Variants in KCTD16 observed in about 807,000 individuals in gnomAD.
KCTD16 encodes BTB/POZ domain-containing protein KCTD16.
A neutral mutation model predicts 33.2 loss-of-function variants in KCTD16; 13 were observed. The observed-to-expected ratio is 0.39, with a 90% CI of 0.25 to 0.62. KCTD16 has a LOEUF of 0.62. Ranked by LOEUF, KCTD16 falls within the 20% of genes least tolerant of loss-of-function variation. KCTD16 has a pLI of 0.50. For synonymous variants in KCTD16, 197 were observed against 195.3 expected, an observed-to-expected ratio of 1.01 and a Z score of -0.07; for missense variants, 441 against 525.1, an observed-to-expected ratio of 0.84 and a Z score of 1.57.
chr5:144,220,392 G>T (rs981805595), intron 3 of KCTD16, among the ~76,000 whole-genome samples: 7 of 152,098 alleles, frequency 4.6e-5, no homozygotes, highest in African/African-American at 1.7e-4. Context: ...GCTTCCTGGG[G>T]CAGGAGCTAT....
chr5:144,241,153 T>C (rs1435022989), intron 3 of KCTD16, among the ~76,000 whole-genome samples: 4 of 152,144 alleles, frequency 2.6e-5, no homozygotes, highest in African/African-American at 9.7e-5. Flanking sequence ...GTCTTGAGCT[T>C]TAGTCTGAAT....
intron 3 of KCTD16, among the ~76,000 whole-genome samples, chr5:144,397,009 T>G (rs888479087): frequency 7.9e-5 from 12 of 151,192 alleles, no homozygotes; most frequent in Non-Finnish European, 1.2e-4. Context: ...GTGCCATGTT[T>G]GTGTGCTGCA....
chr5:144,241,879 A>G (rs1159846291), intron 3 of KCTD16, among the ~76,000 whole-genome samples: 1 of 152,146 alleles, frequency 6.6e-6, no homozygotes, highest in Non-Finnish European at 1.5e-5. Context: ...AAAGAATCTC[A>G]TTTCAATATC....
intron 3 of KCTD16, among the ~76,000 whole-genome samples, chr5:144,214,058 C>T (rs1753485647): frequency 6.6e-6 from 1 of 152,172 alleles, no homozygotes; most frequent in South Asian, 2.1e-4. Flanking sequence ...TGAAACTCCA[C>T]TGAACTTAAC....
At chr5:144,248,862 C>T (rs1011187984) in intron 3 of KCTD16, among the ~76,000 whole-genome samples, 13 of 152,210 alleles carry the variant, frequency 8.5e-5, no homozygotes, top group Non-Finnish European at 1.6e-4. Context: ...GTTTGACATG[C>T]CTATTCGTTT....
At chr5:144,304,772 T>C (rs1751548688) in intron 3 of KCTD16, among the ~76,000 whole-genome samples, 1 of 152,074 alleles carries the variant, frequency 6.6e-6, no homozygotes, top group South Asian at 2.1e-4. Context: ...GATTGATCTG[T>C]TTGTCCTGAA....
chr5:144,280,947 C>G (rs1273040495), intron 3 of KCTD16, among the ~76,000 whole-genome samples: 1 of 150,044 alleles, frequency 6.7e-6, no homozygotes, highest in Admixed American at 6.6e-5. Context: ...CCCAGCTACT[C>G]GGGAGGCTGA....
chr5:144,268,928 A>C (rs1375160404), intron 3 of KCTD16, among the ~76,000 whole-genome samples: 1 of 152,148 alleles, frequency 6.6e-6, no homozygotes, highest in African/African-American at 2.4e-5. Flanking sequence ...TCTGGAGCTA[A>C]AAATTACCGT....
chr5:144,443,722 A>G (rs545892996), intron 3 of KCTD16, among the ~76,000 whole-genome samples: 6 of 152,224 alleles, frequency 3.9e-5, no homozygotes, highest in East Asian at 1.9e-4. Context: ...TATTATCACT[A>G]TGAAGCTCAA....
chr5:144,359,865 T>C (rs1413414677), intron 3 of KCTD16, among the ~76,000 whole-genome samples: 1 of 152,070 alleles, frequency 6.6e-6, no homozygotes. Flanking sequence ...CTCCGAAAAC[T>C]TGTGCAAAGC....
chr5:144,233,803 A>G (rs569639292), intron 3 of KCTD16, among the ~76,000 whole-genome samples: 1 of 152,260 alleles, frequency 6.6e-6, no homozygotes, highest in East Asian at 1.9e-4. Flanking sequence ...GAATTGTGCC[A>G]ACTGGTTTTA....
chr5:144,355,565 A>G (rs1751551977), intron 3 of KCTD16, among the ~76,000 whole-genome samples: 1 of 152,176 alleles, frequency 6.6e-6, no homozygotes, highest in Admixed American at 6.6e-5. Context: ...GCCTTAGTTT[A>G]CTTCCGTAAA....
chr5:144,360,262 C>A (rs6870569), intron 3 of KCTD16, among the ~76,000 whole-genome samples: 2,830 of 152,144 alleles, frequency 0.019, 80 homozygotes, highest in African/African-American at 0.065. Flanking sequence ...CCTCCTACCC[C>A]CCAAGAGGCC....
At chr5:144,473,352 G>A (rs1262648525) in intron 3 of KCTD16, among the ~76,000 whole-genome samples, 4 of 152,136 alleles carry the variant, frequency 2.6e-5, no homozygotes, top group Non-Finnish European at 5.9e-5. Flanking sequence ...GAAAATCTAA[G>A]GGATGTGCCA....
At chr5:144,271,101 A>G (rs1755280480) in intron 3 of KCTD16, among the ~76,000 whole-genome samples, 1 of 151,994 alleles carries the variant, frequency 6.6e-6, no homozygotes, top group African/African-American at 2.4e-5. Context: ...TAAAGAACAA[A>G]CGCCAGTTCT....
chr5:144,316,899 CT>C (rs1201979176), intron 3 of KCTD16, among the ~76,000 whole-genome samples: 2 of 140,604 alleles, frequency 1.4e-5, no homozygotes, highest in Non-Finnish European at 1.5e-5. Flanking sequence ...GTGATCTCGG[CT>C]CACTGCAACC....
rs115587783 is a variant in KCTD16 at position 144,404,786 on chromosome 5, A to C, written c.833-68874A>C. On this transcript the variant is annotated intron_variant, in intron 3 of 3. Transcript: ENST00000512467. ...TGGTGGGGAAATTTACCTAGAAATAAATGTTAAGGTGCCTTCCTGGTCCCT... is the reference window on the plus strand; with the variant it reads ...TGGTGGGGAAATTTACCTAGAAATACATGTTAAGGTGCCTTCCTGGTCCCT... 1.9e-3 allele frequency among the ~76,000 whole-genome samples: 282 copies of C among 152,140 alleles called. 1 individual carries two copies. The highest frequency in any genetic ancestry group is 6.4e-3 in the African/African-American group (267 of 41,484).
rs1490786792 is a variant in KCTD16 at position 144,480,363 on chromosome 5, T to G, written c.*6249T>G. On this transcript the variant is annotated 3_prime_UTR_variant, in exon 4 of 4. Coordinates refer to ENST00000512467, the MANE Select transcript of KCTD16 (RefSeq NM_020768.4). Reference sequence around the variant, plus strand: ...CTTGAGCTTGTCTCCTCATGTGAAATTCAAACAATACTAATTTCTGGGGAA... The same window carrying G: ...CTTGAGCTTGTCTCCTCATGTGAAAGTCAAACAATACTAATTTCTGGGGAA... 2.0e-5 allele frequency: 3 copies of G among 151,904 alleles called. No individual in the cohort carries two copies. The highest frequency in any genetic ancestry group is 7.3e-5 in the African/African-American group (3 of 41,374). The allele number at this position is 151,904 out of a possible 1,614,324, so 9.4% of individuals were successfully genotyped here. A position where few individuals can be genotyped will look rare whatever the true frequency, so the allele number is the denominator to read the frequency against.
chr5:144,277,440 A>G (rs1755469901), intron 3 of KCTD16, among the ~76,000 whole-genome samples: 1 of 152,214 alleles, frequency 6.6e-6, no homozygotes, highest in African/African-American at 2.4e-5. Flanking sequence ...AAGCATGTTC[A>G]TGATATAATT....
Sources: gnomAD v4.1 joint callset for allele counts (sites outside exome capture counted in the v4.1 genomes callset) on GRCh38, gnomAD v4.1.1 for gene constraint, MANE v1.5 for transcripts, NCBI Gene and HGNC (gene_info 2026-07-23, HGNC 2026-07-21) for gene names.